The following FGD4 variants were observed in gnomAD, a reference collection of about 807,000 sequenced individuals.
The protein encoded by FGD4 is FYVE, RhoGEF and PH domain containing 4.
A neutral mutation model predicts 102.0 loss-of-function variants in FGD4; 42 were observed. The observed-to-expected ratio is 0.41, with a 90% CI of 0.32 to 0.53. FGD4 has a LOEUF of 0.53. FGD4 is among the 20% of genes least tolerant of loss of function. The probability of loss-of-function intolerance (pLI) is 0.21; values close to 1 mark genes in which losing one functional copy is unlikely to be tolerated. For synonymous variants in FGD4, 380 were observed against 375.7 expected (o/e 1.01, Z -0.13); for missense variants, 902 against 1,078.2 (o/e 0.84, Z 2.29).
chr12:32,488,689 C>T (rs1033572120), intron 1 of FGD4, among the ~76,000 whole-genome samples: 1 of 152,098 alleles, frequency 6.6e-6, no homozygotes, highest in African/African-American at 2.4e-5. Context: ...GCCTGTAATC[C>T]TAGCACTTTA....
intron 7 of FGD4, among the ~76,000 whole-genome samples, chr12:32,607,672 G>A (rs377683324): frequency 1.3e-5 from 2 of 152,246 alleles, no homozygotes; most frequent in African/African-American, 4.8e-5. Context: ...GTGCCACCAC[G>A]CCTGGCTAAT....
chr12:32,423,485 G>A (rs1336571643), intron 1 of FGD4, among the ~76,000 whole-genome samples: 7 of 151,540 alleles, frequency 4.6e-5, no homozygotes, highest in Non-Finnish European at 1.0e-4. Flanking sequence ...CCAGCTACTT[G>A]GGAGGCCGAG....
At chr12:32,503,207 G>GT (rs944640423) in intron 1 of FGD4, among the ~76,000 whole-genome samples, 16 of 152,098 alleles carry the variant, frequency 1.1e-4, no homozygotes, top group East Asian at 7.7e-4. Context: ...TTTTGTGTAA[G>GT]TTTTTTTTGT....
intron 7 of FGD4, among the ~76,000 whole-genome samples, chr12:32,607,221 T>C (rs147106975): frequency 1.0e-3 from 156 of 152,342 alleles, no homozygotes; most frequent in African/African-American, 3.6e-3. Context: ...TTTCTGTTCT[T>C]ACACCAGATT....
At chr12:32,476,542 T>C (rs1943588710) in intron 1 of FGD4, among the ~76,000 whole-genome samples, 1 of 152,230 alleles carries the variant, frequency 6.6e-6, no homozygotes, top group Non-Finnish European at 1.5e-5. Flanking sequence ...ATGCATGTTC[T>C]GCTTTGACCT....
chr12:32,460,616 A>G (rs921813514), intron 1 of FGD4, among the ~76,000 whole-genome samples: 3 of 152,210 alleles, frequency 2.0e-5, no homozygotes, highest in African/African-American at 7.2e-5. Context: ...AGAGTCAAAA[A>G]GTCAATGGAT....
rs1951301955 is a variant in FGD4, at chr12:32,644,299, A to C, written c.*3766A>C. 6.6e-6 allele frequency: 1 copy of C among 152,080 alleles called. No individual in the cohort carries two copies. Among genetic ancestry groups the C allele is most frequent in the African/African-American group, 2.4e-5 (1 of 41,430 alleles). 9.4% of individuals were successfully genotyped at this position (152,080 alleles called of 1,614,324 possible). On this transcript the variant is annotated 3_prime_UTR_variant, in exon 17 of 17. Transcript: ENST00000534526. Reference sequence around the variant, plus strand: ...TTTTATTAGAATCAAACTTCTTGTTATTTGCATACTATTATCTACTATAGA... The same window carrying C: ...TTTTATTAGAATCAAACTTCTTGTTCTTTGCATACTATTATCTACTATAGA...
chr12:32,563,135 C>T lies in FGD4; in HGVS notation c.167-1002C>T, dbSNP rs1467709424. ...CTCCCGGACGGGACGGCTGGCCTGG[C>T]GGGGGCTGACCCCCACCTCCCTCCC... On this transcript the variant is annotated intron_variant, in intron 1 of 16. Transcript: ENST00000534526. 2.7e-5 allele frequency among the ~76,000 whole-genome samples: 4 copies of T among 150,202 alleles called. No individual in the cohort carries two copies. In the South Asian group the frequency reaches 6.3e-4, roughly 24 times the overall value.
At chr12:32,508,552 A>G (rs1043190321) in intron 1 of FGD4, among the ~76,000 whole-genome samples, 1 of 152,234 alleles carries the variant, frequency 6.6e-6, no homozygotes, top group African/African-American at 2.4e-5. Flanking sequence ...AAGTCAAAAA[A>G]GCTCTTGAAA....
intron 1 of FGD4, among the ~76,000 whole-genome samples, chr12:32,527,330 C>T (rs763706859): frequency 2.0e-5 from 3 of 152,188 alleles, no homozygotes; most frequent in Non-Finnish European, 4.4e-5. Flanking sequence ...GGAATGCTGA[C>T]AGAAGCAGTG....
rs183915760 is a variant in FGD4, at chr12:32,514,550, C to A, written c.167-49587C>A. Among the ~76,000 whole-genome samples, 309 of 152,146 alleles carry A rather than the reference C, an allele frequency of 2.0e-3. 3 individuals carry two copies. Among genetic ancestry groups the A allele is most frequent in the African/African-American group, 7.2e-3 (298 of 41,512 alleles). Reference sequence around the variant, plus strand: ...GTTTTGAGACAGGGTCTCACTCTGTCTCCCAGGCTGGAGTGCGGTGGCGTG... The same window carrying A: ...GTTTTGAGACAGGGTCTCACTCTGTATCCCAGGCTGGAGTGCGGTGGCGTG... On this transcript the variant is annotated intron_variant, in intron 1 of 16. Transcript: ENST00000534526.
chr12:32,545,036 C>T (rs529508181), intron 1 of FGD4, among the ~76,000 whole-genome samples: 62 of 152,286 alleles, frequency 4.1e-4, no homozygotes, highest in South Asian at 1.2e-3. Context: ...CTAATGTAGT[C>T]ATGGTTGAGA....
rs1240912500 is a variant in FGD4 at position 32,645,861 on chromosome 12, A to G, written c.*5328A>G. 2 of 152,244 alleles carry G rather than the reference A, an allele frequency of 1.3e-5. No homozygotes were observed. The highest frequency in any genetic ancestry group is 4.8e-5 in the African/African-American group (2 of 41,476). 9.4% of individuals were successfully genotyped at this position (152,244 alleles called of 1,614,324 possible). ...ATTTTACAGTTGACTCAAGTGTGAA[A>G]GTATACACAAGTAATTTTTCTTTTC... On this transcript the variant is annotated 3_prime_UTR_variant, in exon 17 of 17. Coordinates refer to ENST00000534526, the MANE Select transcript of FGD4 (RefSeq NM_001370298.3).
intron 1 of FGD4, among the ~76,000 whole-genome samples, chr12:32,419,186 T>C (rs1362031057): frequency 1.3e-5 from 2 of 152,114 alleles, no homozygotes; most frequent in Non-Finnish European, 2.9e-5. Flanking sequence ...TGCTCTACCC[T>C]CTGTAGCTGA....
At chr12:32,615,110 G>A (rs1193657420) in intron 10 of FGD4, among the ~76,000 whole-genome samples, 1 of 152,158 alleles carries the variant, frequency 6.6e-6, no homozygotes, top group Non-Finnish European at 1.5e-5. Context: ...ACAAAATGTG[G>A]TATGTTCATG....
chr12:32,416,700 G>C (rs947760514), intron 1 of FGD4, among the ~76,000 whole-genome samples: 1 of 151,872 alleles, frequency 6.6e-6, no homozygotes, highest in Admixed American at 6.6e-5. Flanking sequence ...TTCTTTTTAT[G>C]TCTTATTGCA....
At chr12:32,514,516 T>C (rs1163020470) in intron 1 of FGD4, among the ~76,000 whole-genome samples, 1 of 152,008 alleles carries the variant, frequency 6.6e-6, no homozygotes, top group Non-Finnish European at 1.5e-5. Flanking sequence ...CAGGAAGCTT[T>C]TTGTTTTTGT....
intron 1 of FGD4, among the ~76,000 whole-genome samples, chr12:32,489,993 G>T (rs1277375221): frequency 6.6e-6 from 1 of 151,994 alleles, no homozygotes; most frequent in African/African-American, 2.4e-5. Flanking sequence ...TCCTTTACAG[G>T]TAGGTCTCTG....
At chr12:32,470,745 C>A (rs934164386) in intron 1 of FGD4, among the ~76,000 whole-genome samples, 1 of 152,118 alleles carries the variant, frequency 6.6e-6, no homozygotes, top group South Asian at 2.1e-4. Flanking sequence ...TGAGCCGCTG[C>A]GCCCGGCCTG....
Sources: gnomAD v4.1 joint callset for allele counts (sites outside exome capture counted in the v4.1 genomes callset) on GRCh38, gnomAD v4.1.1 for gene constraint, MANE v1.5 for transcripts, NCBI Gene and HGNC (gene_info 2026-07-23, HGNC 2026-07-21) for gene names.